The following HADHA variants were observed in gnomAD, a reference collection of about 807,000 sequenced individuals.
The protein encoded by HADHA is hydroxyacyl-CoA dehydrogenase trifunctional multienzyme complex subunit alpha, also known as trifunctional enzyme subunit alpha, mitochondrial.
In HADHA, 59 loss-of-function variants were observed where a neutral mutation model predicts 91.3. The observed-to-expected ratio is 0.65, with a 90% CI of 0.52 to 0.80. The LOEUF is 0.80. Ranked by LOEUF, HADHA falls within the 30% of genes least tolerant of loss-of-function variation. The pLI, the probability that HADHA is intolerant of heterozygous loss-of-function variation, is 0.00. For synonymous variants in HADHA, 320 were observed against 338.9 expected, an observed-to-expected ratio of 0.94 and a Z score of 0.61; for missense variants, 800 against 927.6, an observed-to-expected ratio of 0.86 and a Z score of 1.79.
Position 26,190,967 on chromosome 2 carries a change from A to G in HADHA, c.*283T>C, listed in dbSNP as rs1669478276. 1.1e-5 allele frequency: 6 copies of G among 536,934 alleles called. No individual in the cohort carries two copies. Among genetic ancestry groups the G allele is most frequent in the African/African-American group, 1.9e-5 (1 of 52,720 alleles). The allele number at this position is 536,934 out of a possible 1,614,324, so 33.3% of individuals were successfully genotyped here. On this transcript the variant is annotated 3_prime_UTR_variant, in exon 20 of 20. Transcript: ENST00000380649. Reference sequence around the variant, plus strand: ...CCCTGGCCTCTTGGGAGGAACAGGCAGAGAGGTGGCTTCAGATGGCTCTTG... The same window carrying G: ...CCCTGGCCTCTTGGGAGGAACAGGCGGAGAGGTGGCTTCAGATGGCTCTTG...
intron 5 of HADHA, among the ~76,000 whole-genome samples, chr2:26,232,552 A>G (rs1255369927): frequency 2.0e-5 from 3 of 152,134 alleles, no homozygotes; most frequent in African/African-American, 7.2e-5. Flanking sequence ...ATGCACACAC[A>G]ATTTTATATG....
At position 26,214,259 on chromosome 2, in the gene HADHA, AAT is replaced by A. The variant is rs769075222; in HGVS notation, c.918+182_918+183del. On this transcript the variant is annotated intron_variant, in intron 9 of 19. Coordinates refer to ENST00000380649, the MANE Select transcript of HADHA (RefSeq NM_000182.5). This position sits in a 1 kb window ranked among gnomAD's most constrained non-coding sequence, Gnocchi z 4.1. ...GTAAGTCCAGCACTGATTTTCCCCAAATATATCACTTTATATGAGTCCTTACA... is the reference window on the plus strand; with the variant it reads ...GTAAGTCCAGCACTGATTTTCCCCAAATATCACTTTATATGAGTCCTTACA... 4.6e-5 allele frequency among the ~76,000 whole-genome samples: 7 copies of A among 152,210 alleles called. No individual in the cohort carries two copies. The highest frequency in any genetic ancestry group is 1.0e-4 in the Non-Finnish European group (7 of 68,040).
intron 13 of HADHA, among the ~76,000 whole-genome samples, chr2:26,200,113 CT>C (rs1475651711): frequency 2.0e-5 from 3 of 152,150 alleles, no homozygotes; most frequent in Non-Finnish European, 4.4e-5. Context: ...TTTGTTAGCT[CT>C]ATGGGCAATA....
At chr2:26,209,174 T>C (rs1328362652) in intron 11 of HADHA, among the ~76,000 whole-genome samples, 1 of 152,124 alleles carries the variant, frequency 6.6e-6, no homozygotes, top group Non-Finnish European at 1.5e-5. Flanking sequence ...CAACCAAAAA[T>C]GTTCCCAGGC....
Position 26,228,775 on chromosome 2 carries a change from A to G in HADHA, c.676+1417T>C, listed in dbSNP as rs947382075. Among the ~76,000 whole-genome samples, 6 of 152,118 alleles carry G rather than the reference A, an allele frequency of 3.9e-5. No individual in the cohort carries two copies. The South Asian group carries it at 1.0e-3, about 26-fold the overall frequency. ...CAGCCTTGAACTTCTGGGCTCAAAC[A>G]ATATTCCTGTCTCAGCCTCCTGACT... On this transcript the variant is annotated intron_variant, in intron 7 of 19. Transcript: ENST00000380649.
chr2:26,206,371 G>A (rs1341369128), intron 11 of HADHA, among the ~76,000 whole-genome samples: 1 of 151,952 alleles, frequency 6.6e-6, no homozygotes, highest in African/African-American at 2.4e-5. Flanking sequence ...TGGGATTACA[G>A]GTGCCCACCA....
chr2:26,191,401 TAGAG>T lies in HADHA; in HGVS notation c.2147-10_2147-7del, dbSNP rs1669494129. On this transcript the variant is annotated splice_polypyrimidine_tract_variant and splice_region_variant and intron_variant, in intron 19 of 19. Transcript: ENST00000380649. ...ATCCACAAAGCGGAAAGGCCCTGAA[TAGAG>T]AAAGAGGACTTCGTTGAAGGAGACG... 1 of 1,613,986 alleles carries T rather than the reference TAGAG, an allele frequency of 6.2e-7. No homozygotes were observed. The highest frequency in any genetic ancestry group is 8.5e-7 in the Non-Finnish European group (1 of 1,180,044).
At chr2:26,199,248 G>C (rs1434887939) in intron 13 of HADHA, 2 of 152,374 alleles carry the variant, frequency 1.3e-5, no homozygotes, top group Non-Finnish European at 2.9e-5. Flanking sequence ...CATACCCATA[G>C]TCCTAGTTAC....
chr2:26,190,640 G>A lies in HADHA; in HGVS notation c.*610C>T. On this transcript the variant is annotated 3_prime_UTR_variant, in exon 20 of 20. Coordinates refer to ENST00000380649, the MANE Select transcript of HADHA (RefSeq NM_000182.5). ...AAGATCACACAATGAGGAAATCCAG[G>A]CTGGGGAAAGAGGTTTAATATCCCG... is the stretch of plus-strand genomic sequence containing the variant. 1 of 158,366 alleles carries A rather than the reference G, an allele frequency of 6.3e-6. No individual in the cohort carries two copies. The highest frequency in any genetic ancestry group is 6.0e-5 in the Admixed American group (1 of 16,656). 9.8% of individuals were successfully genotyped at this position (158,366 alleles called of 1,614,324 possible).
intron 17 of HADHA, among the ~76,000 whole-genome samples, chr2:26,192,760 A>G (rs745606950): frequency 6.6e-6 from 1 of 152,102 alleles, no homozygotes; most frequent in Non-Finnish European, 1.5e-5. Context: ...ACAAACAAAA[A>G]AGACCCTGAC....
chr2:26,222,140 G>C (rs1670389432), intron 7 of HADHA, among the ~76,000 whole-genome samples: 1 of 151,838 alleles, frequency 6.6e-6, no homozygotes, highest in Non-Finnish European at 1.5e-5. Context: ...AATCTAATCT[G>C]ACTGGTATCC....
At chr2:26,237,111 G>C in intron 3 of HADHA, 123 bp from the exon 4 acceptor site, 1 of 806,534 alleles carries the variant, frequency 1.2e-6, no homozygotes. Context: ...ACTGTTAGAA[G>C]AGAGTAAGAA....
chr2:26,191,826 A>G (rs1449757259), intron 18 of HADHA, among the ~76,000 whole-genome samples, 198 bp from the exon 19 acceptor site: 1 of 152,220 alleles, frequency 6.6e-6, no homozygotes, highest in African/African-American at 2.4e-5. Context: ...CCTAATTAAC[A>G]TGAAACTGAG....
Position 26,244,532 on chromosome 2 carries a change from C to A in HADHA, c.65G>T (p.Arg22Leu). The change falls in exon 1 of 20, where the codon CGA becomes CTA. Residue 22 changes from arginine (R) to leucine (L), a missense_variant and splice_region_variant. Transcript: ENST00000380649. ...GGATGCCCTCGGCCAGGCCTCACCT[C>A]GGGAGCGGAGGATCCTGAAGGCAGA... is the stretch of plus-strand genomic sequence containing the variant. ...RFSAFRILRSRGYICRNFTGS... is the reference protein window; with the variant it reads ...RFSAFRILRSLGYICRNFTGS... 6.3e-7 allele frequency: 1 copy of A among 1,579,026 alleles called. No homozygotes were observed. Among genetic ancestry groups the A allele is most frequent in the African/African-American group, 1.3e-5 (1 of 74,234 alleles).
chr2:26,208,478 C>A (rs779816976), intron 11 of HADHA, among the ~76,000 whole-genome samples: 1 of 152,026 alleles, frequency 6.6e-6, no homozygotes, highest in African/African-American at 2.4e-5. Flanking sequence ...TTAAGAGTAC[C>A]CTCTTCTGTT....
In HADHA at chr2:26,214,921, C is replaced by G. The variant is rs1177313549; in HGVS notation, c.799+132G>C. On this transcript the variant is annotated intron_variant, in intron 8 of 19. Transcript: ENST00000380649. The surrounding 1 kb of genome is among the most constrained non-coding windows in gnomAD (Gnocchi z 4.1). ...GTGTAAAGTTGAGGAGTTGTTACAT[C>G]TCCTACCTAAGGCTGACTTTATGCT... 3 of 903,538 alleles carry G rather than the reference C, an allele frequency of 3.3e-6. No homozygotes were observed. The highest frequency in any genetic ancestry group is 3.3e-5 in the African/African-American group (2 of 61,478). The allele number at this position is 903,538 out of a possible 1,614,324, so 56.0% of individuals were successfully genotyped here.
chr2:26,202,219 C>G (rs1030381587), intron 12 of HADHA, among the ~76,000 whole-genome samples: 3 of 152,106 alleles, frequency 2.0e-5, no homozygotes, highest in African/African-American at 7.2e-5. Flanking sequence ...CTCAAGGTTT[C>G]TTTTTTCCCA....
chr2:26,199,894 G>A (rs76851542), intron 13 of HADHA, among the ~76,000 whole-genome samples: 2,076 of 152,156 alleles, frequency 0.014, 40 homozygotes, highest in African/African-American at 0.047. Context: ...AGCTTCCTGC[G>A]GAATGCAGCC....
intron 15 of HADHA, 61 bp downstream of exon 15, chr2:26,195,031 G>T: frequency 2.3e-6 from 3 of 1,314,758 alleles, no homozygotes; most frequent in South Asian, 1.2e-5. Context: ...AAGCCTGGAG[G>T]TAAAAGGAGT....
Sources: allele counts gnomAD v4.1 joint callset (sites outside exome capture counted in the v4.1 genomes callset), GRCh38; gene constraint gnomAD v4.1.1; non-coding constraint Gnocchi (gnomAD v3.1); transcripts MANE v1.5; gene names NCBI Gene and HGNC (gene_info 2026-07-23, HGNC 2026-07-21).